Variants in MROH1 observed in about 807,000 individuals in gnomAD.
The protein encoded by MROH1 is maestro heat like repeat family member 1, also known as maestro heat-like repeat-containing protein family member 1.
Under a neutral mutation model 116.5 loss-of-function variants are expected in MROH1, and 117 were observed. That is an observed-to-expected ratio of 1.00 (90% CI 0.86 to 1.17). MROH1 has a LOEUF of 1.17. MROH1 is among the 50% of genes most tolerant of loss of function. The pLI is 0.00. For synonymous variants in MROH1, 921 were observed against 583.9 expected (o/e 1.58, Z -8.32); for missense variants, 1,873 against 1,338.5 (o/e 1.40, Z -6.23).
intron 13 of MROH1, among the ~76,000 whole-genome samples, chr8:144,222,804 CCAGGCCCAGGTATGTGGGTA>C (rs1588303435): frequency 6.6e-6 from 1 of 150,918 alleles, no homozygotes; most frequent in African/African-American, 2.4e-5. Context: ...GGGTACAGGC[CCAGGCCCAGGTATGTGGGTA>C]CAGGCCCAGG....
chr8:144,249,958 C>T (rs1365138283), intron 32 of MROH1, among the ~76,000 whole-genome samples: 1 of 152,242 alleles, frequency 6.6e-6, no homozygotes, highest in East Asian at 1.9e-4. Flanking sequence ...GCCACATGTG[C>T]CCTTGGCGCT....
At chr8:144,172,429 C>T (rs774699314) in intron 4 of MROH1, among the ~76,000 whole-genome samples, 9 of 150,768 alleles carry the variant, frequency 6.0e-5, no homozygotes, top group Non-Finnish European at 1.3e-4. Context: ...TTTTTTCCCC[C>T]GAGAGGGAGT....
chr8:144,223,983 G>A (rs1837314880), intron 14 of MROH1, among the ~76,000 whole-genome samples: 1 of 152,222 alleles, frequency 6.6e-6, no homozygotes, highest in African/African-American at 2.4e-5. Context: ...CTAAGTGCGT[G>A]GTCGTCAGTG....
chr8:144,162,660 G>A (rs1819834805), intron 2 of MROH1, among the ~76,000 whole-genome samples: 1 of 151,534 alleles, frequency 6.6e-6, no homozygotes, highest in Admixed American at 6.6e-5. Context: ...GCCTCCCAAA[G>A]TGCTGGAATT....
chr8:144,163,822 C>T lies in MROH1; in HGVS notation c.-5C>T, dbSNP rs1820125889. ...CACTGGGTGAAGGAAGCTGAAACCA[C>T]AGACATGACTGAGTCCTCCATGAAG... is the stretch of plus-strand genomic sequence containing the variant. On this transcript the variant is annotated 5_prime_UTR_variant, in exon 3 of 44. Transcript: ENST00000326134. The surrounding 1 kb of genome is among the most constrained non-coding windows in gnomAD (Gnocchi z 4.4). 3 of 1,613,684 alleles carry T rather than the reference C, an allele frequency of 1.9e-6. No individual in the cohort carries two copies. The highest frequency in any genetic ancestry group is 2.5e-6 in the Non-Finnish European group (3 of 1,179,718).
chr8:144,215,654 G>A (rs1269222429), intron 12 of MROH1, among the ~76,000 whole-genome samples: 1 of 151,788 alleles, frequency 6.6e-6, no homozygotes, highest in South Asian at 2.1e-4. Context: ...GGCAGATCAC[G>A]AGGTCAGGAG....
At chr8:144,225,561 A>T (rs1486163589) in intron 14 of MROH1, among the ~76,000 whole-genome samples, 1 of 151,584 alleles carries the variant, frequency 6.6e-6, no homozygotes, top group African/African-American at 2.4e-5. Context: ...TTTAATGGCC[A>T]GTTTACTTGA....
At chr8:144,185,619 G>T in intron 7 of MROH1, among the ~76,000 whole-genome samples, 1 of 30,106 alleles carries the variant, frequency 3.3e-5, no homozygotes, top group East Asian at 8.0e-4. Flanking sequence ...CGGGGACCGC[G>T]GGGGGCGGTG....
intron 37 of MROH1, among the ~76,000 whole-genome samples, chr8:144,259,648 C>T (rs1412398559): frequency 3.9e-5 from 6 of 152,236 alleles, no homozygotes; most frequent in Admixed American, 2.0e-4. Context: ...CCCCAGGTGC[C>T]CTTGGTGGTG....
intron 1 of MROH1, among the ~76,000 whole-genome samples, chr8:144,156,569 C>T (rs1422470705): frequency 6.6e-6 from 1 of 150,946 alleles, no homozygotes; most frequent in African/African-American, 2.4e-5. Flanking sequence ...ATTAGCCAGG[C>T]GTGATGGTGT....
At chr8:144,257,307 T>A (rs1844060297) in intron 35 of MROH1, among the ~76,000 whole-genome samples, 1 of 152,100 alleles carries the variant, frequency 6.6e-6, no homozygotes, top group African/African-American at 2.4e-5. Flanking sequence ...CTGGGGACAC[T>A]CATCAAGGGC....
chr8:144,193,562 T>C (rs1223620173), intron 10 of MROH1, among the ~76,000 whole-genome samples: 1 of 152,254 alleles, frequency 6.6e-6, no homozygotes, highest in African/African-American at 2.4e-5. Flanking sequence ...AGCAGGTTAC[T>C]GAACCCAAGA....
intron 10 of MROH1, among the ~76,000 whole-genome samples, chr8:144,197,002 G>A (rs1414430732): frequency 1.3e-5 from 2 of 152,088 alleles, no homozygotes; most frequent in Admixed American, 6.6e-5. Flanking sequence ...GGCTGAGGCA[G>A]GAGAATCACT....
intron 35 of MROH1, among the ~76,000 whole-genome samples, chr8:144,256,312 G>A (rs1843768244): frequency 6.6e-6 from 1 of 151,886 alleles, no homozygotes; most frequent in South Asian, 2.1e-4. Context: ...TGCCCAGGAG[G>A]GCTCTGGTTC....
At chr8:144,214,257 T>C (rs73368433) in intron 12 of MROH1, 9,210 of 152,406 alleles carry the variant, frequency 0.06, 953 homozygotes, top group African/African-American at 0.21. Context: ...GAATAGCCCT[T>C]GGTGTTGACC....
At chr8:144,208,508 G>C (rs897148193) in intron 12 of MROH1, among the ~76,000 whole-genome samples, 1 of 151,110 alleles carries the variant, frequency 6.6e-6, no homozygotes, top group African/African-American at 2.4e-5. Context: ...AAGGGTACCA[G>C]CCATATTGGA....
chr8:144,177,850 C>T (rs1045822288), intron 4 of MROH1, among the ~76,000 whole-genome samples: 8 of 152,178 alleles, frequency 5.3e-5, no homozygotes, highest in African/African-American at 9.7e-5. Context: ...GCTTCATTTT[C>T]CACCACGATT....
intron 12 of MROH1, among the ~76,000 whole-genome samples, chr8:144,217,839 G>T (rs998060950): frequency 1.3e-5 from 2 of 152,194 alleles, no homozygotes; most frequent in Admixed American, 6.6e-5. Context: ...TCTTTATCCA[G>T]TAGGGCATTG....
At chr8:144,176,806 G>A (rs569170495) in intron 4 of MROH1, among the ~76,000 whole-genome samples, 5 of 148,284 alleles carry the variant, frequency 3.4e-5, no homozygotes, top group African/African-American at 1.2e-4. Context: ...TCCAGCCTGC[G>A]CGACGAGTGA....
Sources: gnomAD v4.1 joint callset for allele counts (sites outside exome capture counted in the v4.1 genomes callset) on GRCh38, gnomAD v4.1.1 for gene constraint, Gnocchi (gnomAD v3.1) non-coding constraint, MANE v1.5 for transcripts, NCBI Gene and HGNC (gene_info 2026-07-23, HGNC 2026-07-21) for gene names.